GABRG2: variants seen among roughly 807,000 people sequenced by gnomAD.
GABRG2 encodes gamma-aminobutyric acid type A receptor subunit gamma2, also known as gamma-aminobutyric acid receptor subunit gamma-2.
A neutral mutation model predicts 56.4 loss-of-function variants in GABRG2; 16 were observed. That is an observed-to-expected ratio of 0.28 (90% CI 0.19 to 0.43). GABRG2 has a LOEUF of 0.43. GABRG2 is among the 20% of genes least tolerant of loss of function. The pLI is 1.00. For synonymous variants in GABRG2, 208 were observed against 205.5 expected, an observed-to-expected ratio of 1.01 and a Z score of -0.10; for missense variants, 327 against 582.7, an observed-to-expected ratio of 0.56 and a Z score of 4.52.
At chr5:162,121,686 C>A (rs1762989303) in intron 6 of GABRG2, among the ~76,000 whole-genome samples, 1 of 151,986 alleles carries the variant, frequency 6.6e-6, no homozygotes, top group African/African-American at 2.4e-5. Context: ...ATCTCCTTAG[C>A]AACTAGCTTA....
At position 162,153,562 on chromosome 5, in the gene GABRG2, G is replaced by A. The variant is rs758832535; in HGVS notation, c.*194G>A. On this transcript the variant is annotated 3_prime_UTR_variant, in exon 10 of 10. Transcript: ENST00000639213. ...CTTTGGTTAGTGTACTTTGAACTTC[G>A]ATGTTTGCTGTGTTTCAAACCTGCA... The A allele has an allele frequency of 6.1e-5, 41 of 670,094 alleles. No individual in the cohort carries two copies. Among genetic ancestry groups the A allele is most frequent in the Admixed American group, 1.1e-4 (4 of 37,294 alleles). The allele number at this position is 670,094 out of a possible 1,614,324, so 41.5% of individuals were successfully genotyped here.
intron 1 of GABRG2, among the ~76,000 whole-genome samples, chr5:162,087,617 G>C (rs1298690397): frequency 1.3e-5 from 2 of 152,052 alleles, no homozygotes; most frequent in Non-Finnish European, 2.9e-5. Context: ...TGCCATGGAG[G>C]ATAGAAGAGA....
intron 6 of GABRG2, among the ~76,000 whole-genome samples, chr5:162,116,052 C>G (rs929921185): frequency 6.6e-6 from 1 of 151,552 alleles, no homozygotes; most frequent in Non-Finnish European, 1.5e-5. Context: ...AGACACTCAT[C>G]TTTCCTGACT....
intron 6 of GABRG2, among the ~76,000 whole-genome samples, chr5:162,134,602 C>T (rs1763985297): frequency 6.6e-6 from 1 of 152,114 alleles, no homozygotes; most frequent in African/African-American, 2.4e-5. Context: ...TGACAGGATT[C>T]GAATTTTGAA....
At chr5:162,114,995 T>C (rs1026187023) in intron 6 of GABRG2, among the ~76,000 whole-genome samples, 1 of 152,204 alleles carries the variant, frequency 6.6e-6, no homozygotes, top group Non-Finnish European at 1.5e-5. Flanking sequence ...ACATTAGCAG[T>C]CTTGCATTGT....
At chr5:162,080,682 T>C (rs1469316795) in intron 1 of GABRG2, among the ~76,000 whole-genome samples, 1 of 152,096 alleles carries the variant, frequency 6.6e-6, no homozygotes, top group East Asian at 1.9e-4. Context: ...ACCTATATGA[T>C]CTGGGGAATG....
intron 6 of GABRG2, among the ~76,000 whole-genome samples, chr5:162,119,507 C>T (rs548805428): frequency 3.9e-5 from 6 of 152,134 alleles, no homozygotes; most frequent in Non-Finnish European, 5.9e-5. Flanking sequence ...TCACTACCCT[C>T]CTTTTAGAGA....
chr5:162,137,770 C>T (rs1203976377), intron 6 of GABRG2, among the ~76,000 whole-genome samples: 1 of 151,878 alleles, frequency 6.6e-6, no homozygotes, highest in Non-Finnish European at 1.5e-5. Flanking sequence ...CTGTCACCCA[C>T]ACTGGAGTGC....
intron 6 of GABRG2, among the ~76,000 whole-genome samples, chr5:162,106,039 T>G (rs1162917286): frequency 1.3e-5 from 2 of 152,048 alleles, no homozygotes; most frequent in Non-Finnish European, 2.9e-5. Context: ...GACAGAAGGG[T>G]TGATTTTACA....
chr5:162,122,154 G>T (rs1763019661), intron 6 of GABRG2, among the ~76,000 whole-genome samples: 1 of 151,854 alleles, frequency 6.6e-6, no homozygotes, highest in South Asian at 2.1e-4. Flanking sequence ...AAAAATAAAT[G>T]CTTACTTTAA....
At chr5:162,097,333 G>C (rs1311591119) in intron 3 of GABRG2, among the ~76,000 whole-genome samples, 3 of 152,140 alleles carry the variant, frequency 2.0e-5, no homozygotes, top group Non-Finnish European at 4.4e-5. Flanking sequence ...CAAGAAACTA[G>C]CTGGCTCAAA....
At chr5:162,072,009 G>C (rs963917989) in intron 1 of GABRG2, among the ~76,000 whole-genome samples, 4 of 151,778 alleles carry the variant, frequency 2.6e-5, no homozygotes, top group East Asian at 1.9e-4. Context: ...CAAAACACCT[G>C]AATTGTAGGC....
At chr5:162,113,609 A>C (rs536599285) in intron 6 of GABRG2, among the ~76,000 whole-genome samples, 1 of 152,328 alleles carries the variant, frequency 6.6e-6, no homozygotes, top group South Asian at 2.1e-4. Flanking sequence ...TAGACAAGTG[A>C]GTTTACTGGA....
chr5:162,103,636 A>AGTATACC (rs1246841087), intron 5 of GABRG2: 1 of 507,420 alleles, frequency 2.0e-6, no homozygotes, highest in Non-Finnish European at 3.6e-6. Context: ...AATCACATGT[A>AGTATACC]GTATACCTTC....
At chr5:162,136,291 T>C (rs1046667915) in intron 6 of GABRG2, among the ~76,000 whole-genome samples, 1 of 152,192 alleles carries the variant, frequency 6.6e-6, no homozygotes, top group Non-Finnish European at 1.5e-5. Context: ...TGTTCCATGA[T>C]GAAGGAACTG....
chr5:162,069,388 AT>A (rs1184616900), intron 1 of GABRG2, among the ~76,000 whole-genome samples: 1 of 152,180 alleles, frequency 6.6e-6, no homozygotes, highest in Non-Finnish European at 1.5e-5. Flanking sequence ...GTGCCCTAAC[AT>A]TTTTTTGTGG....
chr5:162,115,143 C>T (rs914030918), intron 6 of GABRG2, among the ~76,000 whole-genome samples: 3 of 152,106 alleles, frequency 2.0e-5, no homozygotes, highest in African/African-American at 7.2e-5. Context: ...CTATGATTCC[C>T]ATTTAAAGGT....
intron 6 of GABRG2, among the ~76,000 whole-genome samples, chr5:162,117,544 A>T (rs1762704280): frequency 6.6e-6 from 1 of 152,120 alleles, no homozygotes; most frequent in Non-Finnish European, 1.5e-5. Context: ...CCTGTATTTA[A>T]TCTTAACAAT....
intron 7 of GABRG2, among the ~76,000 whole-genome samples, chr5:162,147,195 CTCTT>C (rs1033382641): frequency 3.9e-4 from 59 of 151,948 alleles, no homozygotes; most frequent in East Asian, 1.4e-3. Context: ...CTCTTTCTTT[CTCTT>C]TCTTTCTTTC....
Sources: gnomAD v4.1 joint callset for allele counts (sites outside exome capture counted in the v4.1 genomes callset) on GRCh38, gnomAD v4.1.1 for gene constraint, MANE v1.5 for transcripts, NCBI Gene and HGNC (gene_info 2026-07-23, HGNC 2026-07-21) for gene names.